Variants in CTNNA3 observed in about 807,000 individuals in gnomAD.
The protein encoded by CTNNA3 is catenin alpha-3.
In CTNNA3, 76 loss-of-function variants were observed where a neutral mutation model predicts 95.7. The observed-to-expected ratio is 0.79, with a 90% CI of 0.66 to 0.96. The LOEUF (loss-of-function observed/expected upper bound fraction) is 0.96, where lower values mean the gene tolerates loss of function less well. Ranked by LOEUF, CTNNA3 falls within the 40% of genes least tolerant of loss-of-function variation. The pLI, the probability that CTNNA3 is intolerant of heterozygous loss-of-function variation, is 0.00. For synonymous variants in CTNNA3, 431 were observed against 374.4 expected (o/e 1.15, Z -1.74); for missense variants, 1,191 against 1,089.8 (o/e 1.09, Z -1.31).
At chr10:66,170,826 A>G (rs796752649) in intron 13 of CTNNA3, among the ~76,000 whole-genome samples, 1 of 152,200 alleles carries the variant, frequency 6.6e-6, no homozygotes, top group Non-Finnish European at 1.5e-5. Context: ...CAAGTGTGAA[A>G]AAACTGAAAG....
chr10:66,786,951 G>A (rs1235792424), intron 7 of CTNNA3, among the ~76,000 whole-genome samples: 1 of 152,282 alleles, frequency 6.6e-6, no homozygotes, highest in Non-Finnish European at 1.5e-5. Context: ...TCAGAGCCCT[G>A]ATCACAGGAT....
At chr10:66,605,509 A>G (rs2132269987) in intron 10 of CTNNA3, among the ~76,000 whole-genome samples, 1 of 152,286 alleles carries the variant, frequency 6.6e-6, no homozygotes, top group South Asian at 2.1e-4. Flanking sequence ...TACAATCATC[A>G]GATTCCTCAA....
At chr10:67,629,637 G>A (rs1195502858) in intron 2 of CTNNA3, among the ~76,000 whole-genome samples, 1 of 152,168 alleles carries the variant, frequency 6.6e-6, no homozygotes, top group Non-Finnish European at 1.5e-5. Flanking sequence ...GGGTAGAGTA[G>A]GAGGCCAGGG....
At chr10:67,539,742 C>T (rs1840612611) in intron 3 of CTNNA3, 73 bp from the exon 4 acceptor site, 5 of 1,367,954 alleles carry the variant, frequency 3.7e-6, no homozygotes, top group South Asian at 2.7e-5. Flanking sequence ...ATCAGCTAAC[C>T]TAATTCCAAG....
intron 17 of CTNNA3, among the ~76,000 whole-genome samples, chr10:65,922,503 C>A (rs1786927): frequency 2.0e-5 from 3 of 151,842 alleles, no homozygotes; most frequent in African/African-American, 7.3e-5. Flanking sequence ...AATTTTAAAA[C>A]CTGGGTCTCA....
intron 10 of CTNNA3, among the ~76,000 whole-genome samples, chr10:66,543,911 GTATATATATATATA>G (rs1198925758): frequency 6.2e-5 from 1 of 16,224 alleles, no homozygotes; most frequent in African/African-American, 1.5e-4. Context: ...GTGTGTGTGT[GTATATATATATATA>G]TATATATATA....
intron 7 of CTNNA3, among the ~76,000 whole-genome samples, chr10:66,931,603 T>C (rs1471430136): frequency 1.3e-5 from 2 of 152,216 alleles, no homozygotes. Context: ...TAGCTTTTTA[T>C]CCTGAATCCT....
chr10:66,161,434 CTG>C lies in CTNNA3; in HGVS notation c.1885-58187_1885-58186del, dbSNP rs559342701. 5.4e-4 allele frequency among the ~76,000 whole-genome samples: 82 copies of C among 152,258 alleles called. 1 individual carries two copies. Among genetic ancestry groups the C allele is most frequent in the Admixed American group, 2.6e-3 (40 of 15,282 alleles). ...TCAGCATTTGTTTTTCTGAAAATGA[CTG>C]TATCTTTCCTTCATGTATGATGCTT... On this transcript the variant is annotated intron_variant, in intron 13 of 17. Coordinates refer to ENST00000433211, the MANE Select transcript of CTNNA3 (RefSeq NM_013266.4).
At position 66,466,114 on chromosome 10, in the gene CTNNA3, G is replaced by T. The variant is rs570728047; in HGVS notation, c.1531+54503C>A. Reference sequence around the variant, plus strand: ...ATGAGCCTCATCCAATAAATTGAAGGCTCTAGAAAAATGACTGACATCCCC... The same window carrying T: ...ATGAGCCTCATCCAATAAATTGAAGTCTCTAGAAAAATGACTGACATCCCC... On this transcript the variant is annotated intron_variant, in intron 11 of 17. Coordinates refer to ENST00000433211, the MANE Select transcript of CTNNA3 (RefSeq NM_013266.4). Among the ~76,000 whole-genome samples, 119 of 151,922 alleles carry T rather than the reference G, an allele frequency of 7.8e-4. 1 individual carries two copies. The highest frequency in any genetic ancestry group is 2.4e-3 in the African/African-American group (101 of 41,448).
intron 7 of CTNNA3, among the ~76,000 whole-genome samples, chr10:67,153,795 A>G (rs1419033265): frequency 6.6e-6 from 1 of 151,954 alleles, no homozygotes; most frequent in Admixed American, 6.5e-5. Flanking sequence ...ATTTTATAAC[A>G]TAAAGTATGG....
chr10:66,619,120 A>C (rs1321438487), intron 10 of CTNNA3, among the ~76,000 whole-genome samples: 1 of 151,440 alleles, frequency 6.6e-6, no homozygotes, highest in Non-Finnish European at 1.5e-5. Flanking sequence ...GTGGGACTGT[A>C]AACTAGTTCA....
chr10:67,553,409 G>C (rs1219066346), intron 3 of CTNNA3, among the ~76,000 whole-genome samples: 1 of 151,994 alleles, frequency 6.6e-6, no homozygotes, highest in Non-Finnish European at 1.5e-5. Flanking sequence ...TGTGATCCTG[G>C]AAAAACATCT....
chr10:66,213,193 T>G (rs528962246), intron 13 of CTNNA3, among the ~76,000 whole-genome samples: 149 of 152,284 alleles, frequency 9.8e-4, no homozygotes, highest in Non-Finnish European at 1.9e-3. Context: ...ATTTTCTACT[T>G]ATAACTTCAT....
chr10:67,390,759 A>C (rs1372901661), intron 5 of CTNNA3, among the ~76,000 whole-genome samples: 1 of 150,564 alleles, frequency 6.6e-6, no homozygotes, highest in Non-Finnish European at 1.5e-5. Context: ...ATATATGCAA[A>C]TCAATAAATG....
At chr10:66,341,746 G>T (rs1046444407) in intron 12 of CTNNA3, among the ~76,000 whole-genome samples, 1 of 151,770 alleles carries the variant, frequency 6.6e-6, no homozygotes, top group Non-Finnish European at 1.5e-5. Context: ...AGTGATGCAT[G>T]GTTAAATGAA....
chr10:66,409,475 G>C (rs1216084386), intron 11 of CTNNA3, among the ~76,000 whole-genome samples: 1 of 152,120 alleles, frequency 6.6e-6, no homozygotes, highest in East Asian at 1.9e-4. Flanking sequence ...AGTTACTGTG[G>C]GGAAACCAGG....
At chr10:67,095,720 G>A (rs1857950522) in intron 7 of CTNNA3, among the ~76,000 whole-genome samples, 1 of 151,758 alleles carries the variant, frequency 6.6e-6, no homozygotes, top group East Asian at 1.9e-4. Context: ...ATAAGGACAA[G>A]TATATAAAAT....
In CTNNA3 at chr10:65,917,906, C is replaced by T. The variant is rs2077026656; in HGVS notation, c.*2424G>A. The T allele has an allele frequency of 2.0e-5, 3 of 152,194 alleles. No individual in the cohort carries two copies. The highest frequency in any genetic ancestry group is 1.5e-5 in the Non-Finnish European group (1 of 68,034). The allele number at this position is 152,194 out of a possible 1,614,324, so 9.4% of individuals were successfully genotyped here. A position where few individuals can be genotyped will look rare whatever the true frequency, so the allele number is the denominator to read the frequency against. ...TTGAATCAAACTAAATCTTGAAATG[C>T]TGCCTACTACAGGAATTCACTCAGG... On this transcript the variant is annotated 3_prime_UTR_variant, in exon 18 of 18. Coordinates refer to ENST00000433211, the MANE Select transcript of CTNNA3 (RefSeq NM_013266.4).
chr10:66,784,641 T>C (rs892146380), intron 7 of CTNNA3, among the ~76,000 whole-genome samples: 1 of 152,306 alleles, frequency 6.6e-6, no homozygotes, highest in African/African-American at 2.4e-5. Context: ...TTTAACTAAA[T>C]ACATATAGGG....
Sources: allele counts gnomAD v4.1 joint callset (sites outside exome capture counted in the v4.1 genomes callset), GRCh38; gene constraint gnomAD v4.1.1; transcripts MANE v1.5; gene names NCBI Gene and HGNC (gene_info 2026-07-23, HGNC 2026-07-21).